The following ATG4A variants were observed in gnomAD, a reference collection of about 807,000 sequenced individuals.
ATG4A encodes the protein autophagy related 4A cysteine peptidase.
In ATG4A, 22 loss-of-function variants were observed where a neutral mutation model predicts 38.4. The observed-to-expected ratio is 0.57, with a 90% CI of 0.41 to 0.82. ATG4A has a LOEUF of 0.82. Among genes scored for constraint, ATG4A ranks in the 40% least tolerant of loss-of-function variants. The pLI, the probability that ATG4A is intolerant of heterozygous loss-of-function variation, is 0.00. For synonymous variants in ATG4A, 86 were observed against 100.7 expected, an observed-to-expected ratio of 0.85 and a Z score of 0.88; for missense variants, 220 against 290.0, an observed-to-expected ratio of 0.76 and a Z score of 1.75.
intron 6 of ATG4A, among the ~76,000 whole-genome samples, chrX:108,135,655 G>GT (rs751021959): frequency 8.9e-6 from 1 of 112,042 alleles, no homozygotes; most frequent in Non-Finnish European, 1.9e-5. Flanking sequence ...AGTGTGGAAA[G>GT]TATAAGATAT....
chrX:108,151,557 G>A (rs991160050), intron 10 of ATG4A, among the ~76,000 whole-genome samples: 2 of 111,876 alleles, frequency 1.8e-5, no homozygotes, highest in Non-Finnish European at 3.8e-5. Context: ...AAAATATCTC[G>A]CAGCATGAGG....
chrX:108,101,463 G>A (rs1234534316), intron 1 of ATG4A, among the ~76,000 whole-genome samples: 1 of 107,478 alleles, frequency 9.3e-6, no homozygotes, highest in Non-Finnish European at 1.9e-5. Context: ...TAGTTCCTTA[G>A]GGTGGGAAAT....
Position 108,134,394 on chromosome X carries a change from A to G in ATG4A, c.450A>G (p.Thr150=). The G allele has an allele frequency of 8.3e-7, 1 of 1,210,022 alleles. No individual in the cohort carries two copies. Among genetic ancestry groups the G allele is most frequent in the Non-Finnish European group, 1.1e-6 (1 of 894,088 alleles). Residue 150 remains threonine (T), a synonymous_variant, in exon 6 of 13, where the codon ACA becomes ACG. Coordinates refer to ENST00000372232, the MANE Select transcript of ATG4A (RefSeq NM_052936.5). ...TTGGAGAATGGTTTGGACCAAATAC[A>G]GTTGCACAGGTGTTAAAGTAAGTAA... ...KSIGEWFGPN[T]VAQVLKKLAL...
chrX:108,132,053 C>T (rs138974452), intron 4 of ATG4A, among the ~76,000 whole-genome samples: 1 of 111,510 alleles, frequency 9.0e-6, no homozygotes, highest in Non-Finnish European at 1.9e-5. Flanking sequence ...TGCCTGCTAC[C>T]ACGCCTGGCT....
intron 1 of ATG4A, among the ~76,000 whole-genome samples, chrX:108,095,909 C>T (rs754209260): frequency 8.1e-5 from 9 of 110,575 alleles, no homozygotes; most frequent in South Asian, 3.8e-4. Context: ...GGGGTTTTGC[C>T]GTGTTGGCCA....
chrX:108,146,838 C>G (rs941999152), intron 9 of ATG4A, among the ~76,000 whole-genome samples: 2 of 111,224 alleles, frequency 1.8e-5, no homozygotes, highest in Non-Finnish European at 3.8e-5. Flanking sequence ...GCTAACCAAG[C>G]AAATAAGCTA....
At chrX:108,118,696 G>A (rs1269281339) in intron 1 of ATG4A, among the ~76,000 whole-genome samples, 1 of 111,251 alleles carries the variant, frequency 9.0e-6, no homozygotes, top group East Asian at 2.8e-4. Flanking sequence ...AATGTATGGT[G>A]CTGTCATCTG....
intron 8 of ATG4A, 39 bp from the exon 9 acceptor site, chrX:108,138,074 A>G (rs1416230961): frequency 2.3e-5 from 27 of 1,199,796 alleles, no homozygotes; most frequent in South Asian, 3.5e-5. Flanking sequence ...GCAGCAGTCC[A>G]CAAGTGAGTT....
chrX:108,141,049 CATATATACGTGTAT>C, intron 9 of ATG4A, among the ~76,000 whole-genome samples: 3 of 45,076 alleles, frequency 6.7e-5, no homozygotes, highest in Non-Finnish European at 7.9e-5. Context: ...CATATATATA[CATATATACGTGTAT>C]ATATATACAT....
At chrX:108,089,728 G>A (rs2031542928), upstream of ATG4A, among the ~76,000 whole-genome samples, 1 of 110,879 alleles carries the variant, frequency 9.0e-6, no homozygotes, top group African/African-American at 3.3e-5. Flanking sequence ...AGCTACTTGG[G>A]AGGCTGAGGC....
chrX:108,125,770 T>C (rs748377533), intron 1 of ATG4A, among the ~76,000 whole-genome samples: 6 of 111,870 alleles, frequency 5.4e-5, no homozygotes, highest in African/African-American at 1.6e-4. Context: ...AGCTCGATAA[T>C]TGGCTATTTA....
At chrX:108,126,044 T>C (rs1288901299) in intron 1 of ATG4A, 33 bp from the exon 2 acceptor site, 1 of 1,023,605 alleles carries the variant, frequency 9.8e-7, no homozygotes, top group East Asian at 3.1e-5. Context: ...CCCCTTCTAT[T>C]AAATTTTACT....
intron 1 of ATG4A, among the ~76,000 whole-genome samples, chrX:108,102,598 A>G (rs1430479363): frequency 9.0e-6 from 1 of 111,556 alleles, no homozygotes; most frequent in African/African-American, 3.3e-5. Flanking sequence ...TTGGTGTCAT[A>G]TACAAGAAAT....
intron 9 of ATG4A, among the ~76,000 whole-genome samples, chrX:108,143,290 C>T (rs2033348753): frequency 8.9e-6 from 1 of 111,813 alleles, no homozygotes; most frequent in African/African-American, 3.3e-5. Flanking sequence ...ACTTTTACTA[C>T]CTATTCTGTA....
chrX:108,122,736 A>G (rs1407813747), intron 1 of ATG4A, among the ~76,000 whole-genome samples: 1 of 112,167 alleles, frequency 8.9e-6, no homozygotes, highest in African/African-American at 3.2e-5. Context: ...CTTTTGGAAA[A>G]TGATTAGAGG....
At chrX:108,105,159 A>G (rs2032134998) in intron 1 of ATG4A, among the ~76,000 whole-genome samples, 1 of 110,530 alleles carries the variant, frequency 9.0e-6, no homozygotes, top group Admixed American at 9.6e-5. Context: ...CTGTTTCTTC[A>G]TATGTCTCTA....
At chrX:108,134,532 A>C (rs2033047904) in intron 6 of ATG4A, 121 bp downstream of exon 6, 1 of 586,489 alleles carries the variant, frequency 1.7e-6, no homozygotes, top group Admixed American at 3.8e-5. Flanking sequence ...TCCTCCCACT[A>C]AACCATCAAA....
chrX:108,091,737 C>A, upstream of ATG4A: 2 of 1,127,059 alleles, frequency 1.8e-6, no homozygotes, highest in Non-Finnish European at 2.4e-6. Context: ...TGGCCCCTAG[C>A]AGTGCAGAAC....
chrX:108,126,663 T>G lies in ATG4A; in HGVS notation c.121+476T>G, dbSNP rs1200271187. On this transcript the variant is annotated intron_variant, in intron 2 of 12. Coordinates refer to ENST00000372232, the MANE Select transcript of ATG4A (RefSeq NM_052936.5). ...AAACAATATCAGACCTAAGTTTTTC[T>G]TAAGTTTTAGATCTTTTGCTGACCG... 3 of 758,675 alleles carry G rather than the reference T, an allele frequency of 4.0e-6. No homozygotes were observed. The African/African-American group carries it at 6.7e-5, about 17-fold the overall frequency. The allele number at this position is 758,675 out of a possible 1,213,427, so 62.5% of individuals were successfully genotyped here. A position where few individuals can be genotyped will look rare whatever the true frequency, so the allele number is the denominator to read the frequency against.
Sources: allele counts gnomAD v4.1 joint callset (sites outside exome capture counted in the v4.1 genomes callset), GRCh38; gene constraint gnomAD v4.1.1; transcripts MANE v1.5; gene names NCBI Gene and HGNC (gene_info 2026-07-23, HGNC 2026-07-21).